The following DROSHA variants were observed in gnomAD, a reference collection of about 807,000 sequenced individuals.
The protein encoded by DROSHA is drosha ribonuclease III, also known as ribonuclease 3.
DROSHA carries 56 observed loss-of-function variants against 181.9 expected under a neutral mutation model. The ratio of observed to expected loss-of-function variants is 0.31; its 90% CI spans 0.25 to 0.38. The LOEUF is 0.38. Ranked by LOEUF, DROSHA falls within the 10% of genes least tolerant of loss-of-function variation. DROSHA has a pLI of 1.00. For synonymous variants in DROSHA, 524 were observed against 591.2 expected (o/e 0.89, Z 1.65); for missense variants, 1,218 against 1,743.5 (o/e 0.70, Z 5.37).
At chr5:31,512,713 G>A (rs575359964) in intron 8 of DROSHA, among the ~76,000 whole-genome samples, 24 of 152,330 alleles carry the variant, frequency 1.6e-4, no homozygotes, top group Admixed American at 5.9e-4. Context: ...AGAAAAAGAG[G>A]CAAGAGATAT....
intron 34 of DROSHA, among the ~76,000 whole-genome samples, chr5:31,406,172 G>T (rs1740629312): frequency 6.6e-6 from 1 of 152,098 alleles, no homozygotes; most frequent in African/African-American, 2.4e-5. Flanking sequence ...ACCTAAAGAT[G>T]CTAGCGTTTC....
intron 20 of DROSHA, among the ~76,000 whole-genome samples, chr5:31,459,039 A>G (rs13160100): frequency 6.6e-6 from 1 of 152,244 alleles, no homozygotes; most frequent in African/African-American, 2.4e-5. Context: ...TCAACTAATC[A>G]CAATGTATAG....
intron 12 of DROSHA, among the ~76,000 whole-genome samples, chr5:31,494,811 A>G (rs1580294733): frequency 1.3e-5 from 2 of 150,678 alleles, no homozygotes; most frequent in South Asian, 4.2e-4. Context: ...AGTAGCTGGG[A>G]CTACAGGTGC....
At chr5:31,482,579 T>C (rs541118114) in intron 16 of DROSHA, among the ~76,000 whole-genome samples, 2 of 152,220 alleles carry the variant, frequency 1.3e-5, no homozygotes, top group East Asian at 1.9e-4. Context: ...TGACAATCCT[T>C]ACAGTAGAAA....
At chr5:31,531,347 A>T (rs144434038) in intron 2 of DROSHA, 103 bp downstream of exon 2, 2 of 152,800 alleles carry the variant, frequency 1.3e-5, no homozygotes, top group African/African-American at 4.8e-5. Flanking sequence ...TTCAGTAGTT[A>T]GAAAATCTAA....
chr5:31,487,210 G>A (rs1751883668), intron 13 of DROSHA, among the ~76,000 whole-genome samples: 1 of 152,204 alleles, frequency 6.6e-6, no homozygotes, highest in Non-Finnish European at 1.5e-5. Flanking sequence ...AGCTAAGGCA[G>A]AAGAGTCATC....
In DROSHA at chr5:31,527,045, C is replaced by T. The variant is rs534429501; in HGVS notation, c.21-133G>A. 169 of 762,828 alleles carry T rather than the reference C, an allele frequency of 2.2e-4. 1 individual carries two copies. The East Asian group carries it at 4.5e-3, about 20-fold the overall frequency. 47.3% of individuals were successfully genotyped at this position (762,828 alleles called of 1,614,324 possible). ...CCCTAGTCAAGCCACTGGAATAGGC[C>T]ACCCATTTAATACTGGGTTCCTGCT... On this transcript the variant is annotated intron_variant, in intron 4 of 35. Coordinates refer to ENST00000344624, the MANE Select transcript of DROSHA (RefSeq NM_001382508.1).
At chr5:31,401,628 T>C (rs1191542486) in intron 35 of DROSHA, 66 bp from the exon 36 acceptor site, 5 of 1,099,758 alleles carry the variant, frequency 4.5e-6, no homozygotes, top group Non-Finnish European at 4.6e-6. Flanking sequence ...CAAAGAATAA[T>C]GCAACTAAAC....
At chr5:31,505,819 A>G (rs1737864393) in intron 10 of DROSHA, 1 of 152,192 alleles carries the variant, frequency 6.6e-6, no homozygotes, top group Non-Finnish European at 1.5e-5. Flanking sequence ...ATATATACAC[A>G]CACATATTTC....
intron 13 of DROSHA, among the ~76,000 whole-genome samples, chr5:31,489,498 T>A (rs879750579): frequency 3.3e-5 from 5 of 152,170 alleles, no homozygotes; most frequent in Admixed American, 1.3e-4. Flanking sequence ...TCTCTAAGTG[T>A]CAAGAAGAGC....
At chr5:31,516,240 G>A (rs1739259514) in intron 6 of DROSHA, among the ~76,000 whole-genome samples, 2 of 152,200 alleles carry the variant, frequency 1.3e-5, no homozygotes, top group South Asian at 4.1e-4. Context: ...GGGCAACAGA[G>A]CAAAATGCTG....
chr5:31,437,516 G>T (rs1490752291), intron 23 of DROSHA, among the ~76,000 whole-genome samples: 2 of 151,946 alleles, frequency 1.3e-5, no homozygotes, highest in African/African-American at 2.4e-5. Flanking sequence ...ATATCACGGG[G>T]GTCAGGCTTT....
At chr5:31,500,489 A>G (rs1204656344) in intron 11 of DROSHA, among the ~76,000 whole-genome samples, 1 of 152,240 alleles carries the variant, frequency 6.6e-6, no homozygotes, top group Non-Finnish European at 1.5e-5. Flanking sequence ...AAGCTGAAAT[A>G]CCGGAATTGC....
chr5:31,466,370 A>G (rs1488263302), intron 18 of DROSHA, 89 bp from the exon 19 acceptor site: 1 of 1,024,354 alleles, frequency 9.8e-7, no homozygotes, highest in Admixed American at 1.9e-5. Flanking sequence ...GCCTCTTCAA[A>G]TCATACATTA....
intron 24 of DROSHA, among the ~76,000 whole-genome samples, chr5:31,436,261 A>G (rs370303006): frequency 2.0e-5 from 3 of 152,188 alleles, no homozygotes; most frequent in Non-Finnish European, 2.9e-5. Context: ...GATTATGTCC[A>G]TCTTGTGAAA....
intron 30 of DROSHA, among the ~76,000 whole-genome samples, chr5:31,412,844 A>G (rs928982739): frequency 1.3e-5 from 2 of 152,188 alleles, no homozygotes; most frequent in Non-Finnish European, 2.9e-5. Context: ...TGAAAGTGAT[A>G]TATCTTTTTT....
intron 34 of DROSHA, 132 bp downstream of exon 34, chr5:31,406,721 C>T (rs897947677): frequency 8.9e-6 from 7 of 784,384 alleles, no homozygotes; most frequent in Admixed American, 5.5e-5. Context: ...CTGGAATTCA[C>T]TTTGCTACTA....
chr5:31,529,906 A>G (rs953904825), intron 3 of DROSHA, among the ~76,000 whole-genome samples: 1 of 152,202 alleles, frequency 6.6e-6, no homozygotes, highest in African/African-American at 2.4e-5. Flanking sequence ...TGTAAACATG[A>G]ATGATTTTCC....
chr5:31,530,475 T>C (rs959922918), intron 3 of DROSHA, among the ~76,000 whole-genome samples: 1 of 151,952 alleles, frequency 6.6e-6, no homozygotes, highest in Non-Finnish European at 1.5e-5. Context: ...TACTACCCCA[T>C]GTTTTCCCAA....
Sources: allele counts gnomAD v4.1 joint callset (sites outside exome capture counted in the v4.1 genomes callset), GRCh38; gene constraint gnomAD v4.1.1; transcripts MANE v1.5; gene names NCBI Gene and HGNC (gene_info 2026-07-23, HGNC 2026-07-21).